Variants in GLIS3 observed in about 807,000 individuals in gnomAD.
GLIS3 encodes GLIS family zinc finger 3, also known as zinc finger protein GLIS3.
Under a neutral mutation model 78.6 loss-of-function variants are expected in GLIS3, and 53 were observed. That is an observed-to-expected ratio of 0.67 (90% CI 0.54 to 0.85). The LOEUF (loss-of-function observed/expected upper bound fraction) is 0.85. Ranked by LOEUF, GLIS3 falls within the 40% of genes least tolerant of loss-of-function variation. GLIS3 has a pLI of 0.00. For missense variants in GLIS3, 1,703 were observed against 1,231.1 expected, an observed-to-expected ratio of 1.38 and a Z score of -5.74; for synonymous variants, 684 against 509.9, an observed-to-expected ratio of 1.34 and a Z score of -4.60.
At chr9:4,223,479 C>A (rs528522572) in intron 2 of GLIS3, among the ~76,000 whole-genome samples, 144 of 152,188 alleles carry the variant, frequency 9.5e-4, no homozygotes, top group Non-Finnish European at 1.7e-3. Context: ...ATTTCTCAAG[C>A]CCACTGCCTC....
At chr9:4,190,010 A>T (rs1341456836) in intron 2 of GLIS3, among the ~76,000 whole-genome samples, 2 of 152,194 alleles carry the variant, frequency 1.3e-5, no homozygotes, top group African/African-American at 2.4e-5. Context: ...CAGAAAGGAC[A>T]TCCACACCAA....
At chr9:3,852,527 T>C (rs1486461031) in intron 9 of GLIS3, among the ~76,000 whole-genome samples, 1 of 152,222 alleles carries the variant, frequency 6.6e-6, no homozygotes, top group Admixed American at 6.5e-5. Context: ...GCATGATCAA[T>C]AAATGCAACT....
intron 4 of GLIS3, among the ~76,000 whole-genome samples, chr9:3,982,863 T>G (rs1449929437): frequency 2.0e-5 from 3 of 152,236 alleles, no homozygotes; most frequent in African/African-American, 7.2e-5. Context: ...AATTGAGGCC[T>G]AAGTCACCAT....
the GLIS3 span, among the ~76,000 whole-genome samples, chr9:4,397,799 G>A: frequency 6.6e-6 from 1 of 151,414 alleles, no homozygotes; most frequent in Non-Finnish European, 1.5e-5. Context: ...GGGAGAGGAG[G>A]AAGGAAAATT....
chr9:4,292,889 A>G (rs1182202372), intron 1 of GLIS3, among the ~76,000 whole-genome samples: 1 of 152,218 alleles, frequency 6.6e-6, no homozygotes, highest in Admixed American at 6.5e-5. Flanking sequence ...TTCTGAAAAG[A>G]GGAATTTGAA....
chr9:3,916,174 T>C (rs926565062), intron 6 of GLIS3, among the ~76,000 whole-genome samples: 34 of 152,222 alleles, frequency 2.2e-4, no homozygotes, highest in African/African-American at 7.9e-4. Context: ...CTGTTGACAA[T>C]AGAAAGCACA....
At chr9:3,961,306 T>C (rs1005596147) in intron 4 of GLIS3, among the ~76,000 whole-genome samples, 1 of 152,198 alleles carries the variant, frequency 6.6e-6, no homozygotes, top group African/African-American at 2.4e-5. Flanking sequence ...ATCATTTTGG[T>C]GTTATTAAAA....
In GLIS3 at chr9:4,131,900, G is replaced by A. The variant is rs1360763501; in HGVS notation, c.389-5959C>T. 3.3e-5 allele frequency among the ~76,000 whole-genome samples: 5 copies of A among 152,156 alleles called. No individual in the cohort carries two copies. In the East Asian group the frequency reaches 9.7e-4, roughly 29 times the overall value. On this transcript the variant is annotated intron_variant, in intron 2 of 10. Coordinates refer to ENST00000381971, the MANE Select transcript of GLIS3 (RefSeq NM_001042413.2). ...GTTATTGATACTATGATTGTTACAT[G>A]CCTGTCATTGCTTTTTTGCTCCATT... is the stretch of plus-strand genomic sequence containing the variant.
chr9:4,184,209 G>A (rs1348130835), intron 2 of GLIS3, among the ~76,000 whole-genome samples: 1 of 152,150 alleles, frequency 6.6e-6, no homozygotes. Context: ...TGGCAATGTG[G>A]AGGGCATGGC....
At chr9:3,966,591 T>C (rs1024631414) in intron 4 of GLIS3, among the ~76,000 whole-genome samples, 3 of 151,082 alleles carry the variant, frequency 2.0e-5, no homozygotes, top group Non-Finnish European at 4.4e-5. Context: ...AGGTCAGGAG[T>C]CAAGACCAGC....
At chr9:4,142,544 T>C (rs1401758706) in intron 2 of GLIS3, among the ~76,000 whole-genome samples, 3 of 152,166 alleles carry the variant, frequency 2.0e-5, no homozygotes, top group African/African-American at 7.2e-5. Flanking sequence ...TTCTAAACAT[T>C]CTGTAGCAAA....
Position 3,916,333 on chromosome 9 carries a change from G to T in GLIS3, c.1983+16027C>A, listed in dbSNP as rs78244843. Among the ~76,000 whole-genome samples, 126 of 152,282 alleles carry T rather than the reference G, an allele frequency of 8.3e-4. 3 individuals are homozygous for T. The East Asian group carries it at 0.02, about 24-fold the overall frequency. ...ACCCCAAGTCTTCTACCTCCCCACT[G>T]GGGGACCAAGCAAATTCCTTGATTT... On this transcript the variant is annotated intron_variant, in intron 6 of 10. Transcript: ENST00000381971.
At chr9:4,125,326 G>C (rs1051344176) in intron 3 of GLIS3, among the ~76,000 whole-genome samples, 5 of 152,162 alleles carry the variant, frequency 3.3e-5, no homozygotes, top group African/African-American at 9.7e-5. Flanking sequence ...ACAGATTGTT[G>C]AGCTGCCTGG....
chr9:4,409,890 C>T, the GLIS3 span, among the ~76,000 whole-genome samples: 14 of 152,136 alleles, frequency 9.2e-5, no homozygotes, highest in Non-Finnish European at 1.9e-4. Context: ...TATCCAAATG[C>T]CTATAAGTTA....
chr9:4,462,667 G>C, the GLIS3 span, among the ~76,000 whole-genome samples: 1 of 149,812 alleles, frequency 6.7e-6, no homozygotes, highest in Non-Finnish European at 1.5e-5. Flanking sequence ...ACACACATTA[G>C]CTGGGTGTGT....
chr9:3,917,325 T>C (rs950935998), intron 6 of GLIS3, among the ~76,000 whole-genome samples: 24 of 152,232 alleles, frequency 1.6e-4, no homozygotes, highest in Admixed American at 5.9e-4. Flanking sequence ...GATGTTTGCA[T>C]GAACAGTGCA....
At chr9:4,268,041 G>C (rs975174788) in intron 2 of GLIS3, among the ~76,000 whole-genome samples, 25 of 151,742 alleles carry the variant, frequency 1.6e-4, no homozygotes, top group African/African-American at 6.1e-4. Flanking sequence ...GCATACACAC[G>C]TGCGTGCGTG....
At chr9:3,976,090 T>A (rs1818762728) in intron 4 of GLIS3, among the ~76,000 whole-genome samples, 1 of 152,130 alleles carries the variant, frequency 6.6e-6, no homozygotes, top group Non-Finnish European at 1.5e-5. Context: ...TTTGGAACCA[T>A]CCCTAGAAGA....
intron 4 of GLIS3, among the ~76,000 whole-genome samples, chr9:4,040,857 A>G (rs950867465): frequency 6.6e-6 from 1 of 152,186 alleles, no homozygotes; most frequent in Non-Finnish European, 1.5e-5. Context: ...AAGGTCATCA[A>G]CAGTGGTTCT....
Sources: gnomAD v4.1 joint callset for allele counts (sites outside exome capture counted in the v4.1 genomes callset) on GRCh38, gnomAD v4.1.1 for gene constraint, MANE v1.5 for transcripts, NCBI Gene and HGNC (gene_info 2026-07-23, HGNC 2026-07-21) for gene names.